Variants in PEX16 observed in about 807,000 individuals in gnomAD.
PEX16 encodes the protein peroxin 16.
A neutral mutation model predicts 50.5 loss-of-function variants in PEX16; 37 were observed. The observed-to-expected ratio is 0.73, with a 90% CI of 0.56 to 0.96. PEX16 has a LOEUF of 0.96. Among genes scored for constraint, PEX16 ranks in the 40% least tolerant of loss-of-function variants. The probability of loss-of-function intolerance (pLI) is 0.00; values close to 1 mark genes in which losing one functional copy is unlikely to be tolerated. For synonymous variants in PEX16, 185 were observed against 190.3 expected, an observed-to-expected ratio of 0.97 and a Z score of 0.23; for missense variants, 401 against 438.3, an observed-to-expected ratio of 0.91 and a Z score of 0.76.
upstream of PEX16, chr11:45,918,040 C>T (rs566222572): frequency 7.2e-4 from 437 of 605,628 alleles, 1 homozygote; most frequent in Non-Finnish European, 1.6e-4. Flanking sequence ...AAACCCGGCC[C>T]CCTACTCCCT....
chr11:45,917,710 G>A lies in PEX16; in HGVS notation c.102C>T (p.Tyr34=), dbSNP rs1293863814. 2 of 1,558,740 alleles carry A rather than the reference G, an allele frequency of 1.3e-6. No homozygotes were observed. The highest frequency in any genetic ancestry group is 1.7e-6 in the Non-Finnish European group (2 of 1,150,986). Residue 34 remains tyrosine, a synonymous_variant, in exon 1 of 11, where the codon TAC becomes TAT. Transcript: ENST00000378750. ...QLETAVRGFS[Y]LLAGRFADSH... ...AGGTCAGGGTGGCACCTGCCAGCAG[G>A]TAACTGAAGCCCCGCACTGCTGTCT... is the stretch of plus-strand genomic sequence containing the variant.
In PEX16 at chr11:45,915,587, C is replaced by T; in HGVS notation, c.360-19G>A. ...TACAGCCCTGGGTCGGGGAGTATGT[C>T]AGGGTTGTGGGGAGGTGGCTAGCCG... is the stretch of plus-strand genomic sequence containing the variant. On this transcript the variant is annotated intron_variant, in intron 4 of 10. Transcript: ENST00000378750. The T allele has an allele frequency of 6.2e-7, 1 of 1,613,950 alleles. No homozygotes were observed. Among genetic ancestry groups the T allele is most frequent in the Non-Finnish European group, 8.5e-7 (1 of 1,179,874 alleles).
In PEX16 at chr11:45,915,364, G is replaced by A; in HGVS notation, c.460+104C>T. ...GAGAACACATAGTTGATAGGGACAG[G>A]CGTGCTCCATAAACAGATACTACTG... is the stretch of plus-strand genomic sequence containing the variant. On this transcript the variant is annotated intron_variant, in intron 5 of 10. Coordinates refer to ENST00000378750, the MANE Select transcript of PEX16 (RefSeq NM_004813.4). 5 of 820,196 alleles carry A rather than the reference G, an allele frequency of 6.1e-6. No individual in the cohort carries two copies. In the South Asian group the frequency reaches 7.2e-5, roughly 12 times the overall value. The allele number at this position is 820,196 out of a possible 1,614,324, so 50.8% of individuals were successfully genotyped here.
chr11:45,915,439 C>A, intron 5 of PEX16, 29 bp downstream of exon 5: 1 of 1,577,576 alleles, frequency 6.3e-7, no homozygotes, highest in Non-Finnish European at 8.7e-7. Flanking sequence ...ATGGCCCATT[C>A]CGCTCCAGGG....
intron 9 of PEX16, among the ~76,000 whole-genome samples, chr11:45,912,861 C>G (rs114698570): frequency 6.6e-6 from 1 of 151,632 alleles, no homozygotes; most frequent in African/African-American, 2.4e-5. Flanking sequence ...GGGACTTACT[C>G]TGTCACCCAG....
chr11:45,917,426 C>G (rs776894534), intron 2 of PEX16, 32 bp downstream of exon 2: 1 of 1,609,550 alleles, frequency 6.2e-7, no homozygotes. Flanking sequence ...GGCAGCCGAT[C>G]CCCCATCCCC....
At chr11:45,917,993 G>A, upstream of PEX16, 1 of 666,398 alleles carries the variant, frequency 1.5e-6, no homozygotes, top group South Asian at 1.6e-5. Flanking sequence ...CTCTTGAACC[G>A]CTTCCCACTC....
intron 9 of PEX16, among the ~76,000 whole-genome samples, chr11:45,913,146 T>C (rs4505038): frequency 2.6e-5 from 4 of 151,956 alleles, no homozygotes; most frequent in Non-Finnish European, 1.5e-5. Flanking sequence ...TAAGCTATTA[T>C]TAGGTCCTAG....
upstream of PEX16, chr11:45,918,709 C>T (rs930333827): frequency 2.0e-5 from 3 of 152,274 alleles, no homozygotes; most frequent in Non-Finnish European, 1.5e-5. Context: ...GGCCCTCGGA[C>T]GCACCTCGCA....
rs1279959933 is a variant in PEX16 at position 45,916,868 on chromosome 11, C to T, written c.149-565G>A. ...TATTTTTAGTAGAGATGGGGTTTCA[C>T]CATGTTGGCCAGGCTGGTCTCGAAC... On this transcript the variant is annotated intron_variant, in intron 2 of 10. Coordinates refer to ENST00000378750, the MANE Select transcript of PEX16 (RefSeq NM_004813.4). The T allele has an allele frequency of 8.1e-6, 3 of 372,668 alleles. No individual in the cohort carries two copies. The Admixed American group carries it at 1.0e-4, about 12-fold the overall frequency. The allele number at this position is 372,668 out of a possible 1,614,324, so 23.1% of individuals were successfully genotyped here. A position where few individuals can be genotyped will look rare whatever the true frequency, so the allele number is the denominator to read the frequency against.
chr11:45,909,897 C>T lies in PEX16; in HGVS notation c.*357G>A. 1 of 618,638 alleles carries T rather than the reference C, an allele frequency of 1.6e-6. No homozygotes were observed. Among genetic ancestry groups the T allele is most frequent in the Non-Finnish European group, 2.9e-6 (1 of 344,630 alleles). The allele number at this position is 618,638 out of a possible 1,614,324, so 38.3% of individuals were successfully genotyped here. On this transcript the variant is annotated 3_prime_UTR_variant, in exon 11 of 11. Transcript: ENST00000378750. ...ATCACCCGGGTTCAGGCTTCCTGTCCTCACCAGGGGCCAGCGAGAGAGCAG... is the reference window on the plus strand; with the variant it reads ...ATCACCCGGGTTCAGGCTTCCTGTCTTCACCAGGGGCCAGCGAGAGAGCAG...
Position 45,915,739 on chromosome 11 carries a change from C to T in PEX16, c.323G>A (p.Gly108Asp), listed in dbSNP as rs2086827377. ...MGAAKVWGEVGRWLVIALVQL... is the reference protein window; with the variant it reads ...MGAAKVWGEVDRWLVIALVQL... ...GACGAGGGCGATGACAAGCCAGCGG[C>T]CCACTTCACCCCACACCTTGGCAGC... Residue 108 changes from glycine to aspartate, a missense_variant, in exon 4 of 11, where the codon GGC (glycine) becomes GAC (aspartate). Coordinates refer to ENST00000378750, the MANE Select transcript of PEX16 (RefSeq NM_004813.4). 1 of 1,613,894 alleles carries T rather than the reference C, an allele frequency of 6.2e-7. No individual in the cohort carries two copies. The highest frequency in any genetic ancestry group is 1.1e-5 in the South Asian group (1 of 91,088).
Position 45,917,785 on chromosome 11 carries a change from G to A in PEX16, c.27C>T (p.Leu9=), listed in dbSNP as rs913040375. The A allele has an allele frequency of 2.6e-6, 4 of 1,546,272 alleles. No homozygotes were observed. In the African/African-American group the frequency reaches 4.1e-5, roughly 16 times the overall value. The change falls in exon 1 of 11, where the codon CTC becomes CTT. Residue 9 remains leucine (L), a synonymous_variant. Transcript: ENST00000378750. ...GACGAGTCACGTACTCCTGGTAGCG[G>A]AGGCCCAGGAGCCGCAGCTTCTCCA... MEKLRLLG[L]RYQEYVTRHP... is the part of the protein sequence containing the mutation.
chr11:45,917,000 C>G, intron 2 of PEX16: 1 of 467,372 alleles, frequency 2.1e-6, no homozygotes, highest in South Asian at 1.5e-5. Flanking sequence ...CCAGTGCATT[C>G]TTTCAGGACT....
chr11:45,915,304 C>G (rs559237509), intron 5 of PEX16, among the ~76,000 whole-genome samples, 164 bp downstream of exon 5: 1 of 152,236 alleles, frequency 6.6e-6, no homozygotes, highest in Admixed American at 6.5e-5. Context: ...TGTCCCTAGC[C>G]GCATCATTGT....
chr11:45,914,801 A>G (rs966397666), intron 5 of PEX16, 117 bp from the exon 6 acceptor site: 34 of 883,750 alleles, frequency 3.8e-5, no homozygotes, highest in Non-Finnish European at 5.9e-5. Flanking sequence ...AGCTTGTACT[A>G]TGGCAACAGC....
At chr11:45,915,956 T>C in intron 3 of PEX16, 120 bp from the exon 4 acceptor site, 1 of 1,013,440 alleles carries the variant, frequency 9.9e-7, no homozygotes, top group Non-Finnish European at 1.5e-6. Context: ...CAAGCCTAAC[T>C]GTGCAGGTGT....
chr11:45,916,088 T>A, intron 3 of PEX16, 139 bp downstream of exon 3: 2 of 804,670 alleles, frequency 2.5e-6, no homozygotes, highest in Non-Finnish European at 2.2e-6. Flanking sequence ...ACAGGTCACC[T>A]AATGAGATGG....
intron 9 of PEX16, among the ~76,000 whole-genome samples, chr11:45,912,745 G>A (rs1475778225): frequency 4.6e-5 from 7 of 151,750 alleles, no homozygotes; most frequent in South Asian, 2.1e-4. Context: ...CTTGTGATCC[G>A]CCCGCCTCGG....
Sources: gnomAD v4.1 joint callset for allele counts (sites outside exome capture counted in the v4.1 genomes callset) on GRCh38, gnomAD v4.1.1 for gene constraint, MANE v1.5 for transcripts, NCBI Gene and HGNC (gene_info 2026-07-23, HGNC 2026-07-21) for gene names.